Variants in SPEF2 observed in about 807,000 individuals in gnomAD.
The protein encoded by SPEF2 is sperm flagellar and cilia associated 2, also known as sperm flagella and cilia-associated protein 2.
Under a neutral mutation model 224.6 loss-of-function variants are expected in SPEF2, and 187 were observed. The observed-to-expected ratio is 0.83, with a 90% CI of 0.74 to 0.94. The LOEUF (loss-of-function observed/expected upper bound fraction) is 0.94, where lower values mean the gene tolerates loss of function less well. Among genes scored for constraint, SPEF2 ranks in the 40% least tolerant of loss-of-function variants. SPEF2 has a pLI of 0.00. For synonymous variants in SPEF2, 715 were observed against 707.3 expected, an observed-to-expected ratio of 1.01 and a Z score of -0.17; for missense variants, 2,170 against 2,135.6, an observed-to-expected ratio of 1.02 and a Z score of -0.32.
intron 30 of SPEF2, chr5:35,789,404 T>G: frequency 2.9e-6 from 2 of 701,306 alleles, no homozygotes; most frequent in Non-Finnish European, 5.2e-6. Flanking sequence ...CTGAGGTCTG[T>G]CAAACTAGAC....
chr5:35,691,061 C>T lies in SPEF2; in HGVS notation c.1549C>T (p.Pro517Ser), dbSNP rs374610171. ...YKNMVGEWALPEEMVDNLPPS... is the reference protein window; with the variant it reads ...YKNMVGEWALSEEMVDNLPPS... ...GAACATGGTTGGAGAGTGGGCCTTA[C>T]CAGAAGAAATGGTTGACAATTTACC... The change falls in exon 11 of 37, where the codon CCA becomes TCA. Residue 517 changes from proline (P) to serine (S), a missense_variant. Pro to Ser is a moderately conservative substitution (Grantham distance 74, BLOSUM62 -1). Coordinates refer to ENST00000356031, the MANE Select transcript of SPEF2 (RefSeq NM_024867.4). 2 of 1,613,848 alleles carry T rather than the reference C, an allele frequency of 1.2e-6. No homozygotes were observed. The highest frequency in any genetic ancestry group is 2.7e-5 in the African/African-American group (2 of 74,982).
At chr5:35,746,964 G>A (rs966896262) in intron 23 of SPEF2, among the ~76,000 whole-genome samples, 3 of 152,196 alleles carry the variant, frequency 2.0e-5, no homozygotes, top group Non-Finnish European at 4.4e-5. Flanking sequence ...CAAATTAACA[G>A]CTGATTTCTC....
rs139855000 is a variant in SPEF2, at chr5:35,641,517, A to G, written c.248A>G (p.His83Arg). Residue 83 changes from histidine (H) to arginine (R), a missense_variant, in exon 3 of 37, where the codon CAT (histidine) becomes CGT (arginine). Transcript: ENST00000356031. The stretch of plus-strand genomic sequence containing the variant: ...GTGCAGTTTGATCAGAATGTGGCCC[A>G]TGGCATCATCACAGAAAAGCCTGGG... ...LGVQFDQNVA[H>R]GIITEKPGVA... 2.0e-3 allele frequency: 3,245 copies of G among 1,613,866 alleles called. 113 individuals carry two copies. In the Admixed American group the frequency reaches 0.052, roughly 26 times the overall value.
Position 35,666,987 on chromosome 5 carries a change from A to G in SPEF2, c.1168-85A>G, listed in dbSNP as rs12519864. The G allele has an allele frequency of 0.085, 110,042 of 1,300,458 alleles. 7,873 individuals are homozygous for G. Among genetic ancestry groups the G allele is most frequent in the East Asian group, 0.41 (15,760 of 38,862 alleles). The allele number at this position is 1,300,458 out of a possible 1,614,324, so 80.6% of individuals were successfully genotyped here. A position where few individuals can be genotyped will look rare whatever the true frequency, so the allele number is the denominator to read the frequency against. Reference sequence around the variant, plus strand: ...TGTGAGAAGAGGTTTCATTCTACTGAAAGACTTTTTGGCCATTGAAATGAT... The same window carrying G: ...TGTGAGAAGAGGTTTCATTCTACTGGAAGACTTTTTGGCCATTGAAATGAT... On this transcript the variant is annotated intron_variant, in intron 8 of 36. Transcript: ENST00000356031.
Position 35,779,348 on chromosome 5 carries a change from T to TCTA in SPEF2, c.4447+2_4447+3insCTA. ...AGTTCTTAGATATGGCACCTAAAGGTAGGAAAAATAATTATCATGAAAAGA... is the reference window on the plus strand; with the variant it reads ...AGTTCTTAGATATGGCACCTAAAGGTCTAAGGAAAAATAATTATCATGAAAAGA... On this transcript the variant is annotated splice_region_variant and intron_variant, in intron 30 of 36. Coordinates refer to ENST00000356031, the MANE Select transcript of SPEF2 (RefSeq NM_024867.4). 3 of 1,585,594 alleles carry TCTA rather than the reference T, an allele frequency of 1.9e-6. No homozygotes were observed. Among genetic ancestry groups the TCTA allele is most frequent in the Non-Finnish European group, 2.6e-6 (3 of 1,167,660 alleles).
intron 25 of SPEF2, among the ~76,000 whole-genome samples, chr5:35,761,162 G>A (rs1262099395): frequency 6.6e-6 from 1 of 152,092 alleles, no homozygotes; most frequent in Non-Finnish European, 1.5e-5. Flanking sequence ...CAAACTAAAC[G>A]CAGGATAATG....
intron 17 of SPEF2, 77 bp from the exon 18 acceptor site, chr5:35,705,574 G>C (rs765012479): frequency 1.1e-5 from 11 of 1,041,484 alleles, no homozygotes; most frequent in Non-Finnish European, 1.5e-5. Context: ...CATTACGCAT[G>C]TCGGATAATT....
intron 21 of SPEF2, among the ~76,000 whole-genome samples, chr5:35,735,390 A>C (rs377341635): frequency 6.6e-6 from 1 of 152,226 alleles, no homozygotes; most frequent in Non-Finnish European, 1.5e-5. Flanking sequence ...GTGTGAATGT[A>C]GTCTGTCCTT....
chr5:35,637,498 C>A (rs1046718617), intron 2 of SPEF2, among the ~76,000 whole-genome samples: 8 of 152,190 alleles, frequency 5.3e-5, no homozygotes, highest in African/African-American at 1.9e-4. Context: ...AAAAGAACCT[C>A]TGATATTTCC....
At chr5:35,636,068 A>G (rs887823342) in intron 2 of SPEF2, among the ~76,000 whole-genome samples, 7 of 152,102 alleles carry the variant, frequency 4.6e-5, no homozygotes, top group Non-Finnish European at 1.0e-4. Context: ...TCAGATTATT[A>G]CATATTCCCA....
intron 1 of SPEF2, among the ~76,000 whole-genome samples, chr5:35,618,559 G>T (rs1056221779): frequency 6.6e-6 from 1 of 152,152 alleles, no homozygotes; most frequent in Non-Finnish European, 1.5e-5. Context: ...TCTATAAAAT[G>T]GACCTAATAA....
chr5:35,646,586 T>C lies in SPEF2; in HGVS notation c.586-81T>C, dbSNP rs868799722. ...TCTGAAATTTTCAATAGATAAATTT[T>C]ATATATTTGTACCTATGAGTGTATT... is the stretch of plus-strand genomic sequence containing the variant. On this transcript the variant is annotated intron_variant, in intron 4 of 36. Coordinates refer to ENST00000356031, the MANE Select transcript of SPEF2 (RefSeq NM_024867.4). The C allele has an allele frequency of 2.2e-6, 3 of 1,357,040 alleles. No homozygotes were observed. In the Middle Eastern group the frequency reaches 7.8e-4, roughly 355 times the overall value. The allele number at this position is 1,357,040 out of a possible 1,614,324, so 84.1% of individuals were successfully genotyped here. A position where few individuals can be genotyped will look rare whatever the true frequency, so the allele number is the denominator to read the frequency against.
At chr5:35,770,290 C>T (rs570240070) in intron 26 of SPEF2, among the ~76,000 whole-genome samples, 3 of 152,154 alleles carry the variant, frequency 2.0e-5, no homozygotes, top group Admixed American at 2.0e-4. Flanking sequence ...TGTCTGTATA[C>T]ATTGTGGGAT....
intron 8 of SPEF2, among the ~76,000 whole-genome samples, chr5:35,662,497 T>TTGCCCG (rs1422580088): frequency 3.3e-5 from 5 of 152,252 alleles, no homozygotes; most frequent in Non-Finnish European, 4.4e-5. Context: ...CATGAAATCT[T>TTGCCCG]TGCCCGTGCT....
At chr5:35,728,627 T>C (rs930118903) in intron 21 of SPEF2, among the ~76,000 whole-genome samples, 2 of 152,156 alleles carry the variant, frequency 1.3e-5, no homozygotes, top group South Asian at 2.1e-4. Flanking sequence ...GGGATATGTC[T>C]TCTCTCCCAA....
intron 23 of SPEF2, among the ~76,000 whole-genome samples, chr5:35,747,209 C>T (rs1159233726): frequency 1.3e-5 from 2 of 152,082 alleles, no homozygotes; most frequent in African/African-American, 4.8e-5. Flanking sequence ...CAAAACAGAA[C>T]CTCTTTAATG....
Position 35,739,967 on chromosome 5 carries a change from T to C in SPEF2, c.3112T>C (p.Tyr1038His). Residue 1038 changes from tyrosine to histidine, a missense_variant, in exon 22 of 37, where the codon TAT (tyrosine) becomes CAT (histidine). Physicochemically the swap from Tyr to His is moderately conservative, Grantham distance 83. Coordinates refer to ENST00000356031, the MANE Select transcript of SPEF2 (RefSeq NM_024867.4). Reference protein sequence around the residue: ...VPYWELIENSYINTIKTVLRH... With the variant: ...VPYWELIENSHINTIKTVLRH... Reference sequence around the variant, plus strand: ...TTACTGGGAACTAATAGAAAATTCCTATATAAACACCATCAAAACAGTACT... The same window carrying C: ...TTACTGGGAACTAATAGAAAATTCCCATATAAACACCATCAAAACAGTACT... 2 of 1,614,160 alleles carry C rather than the reference T, an allele frequency of 1.2e-6. No homozygotes were observed. Among genetic ancestry groups the C allele is most frequent in the South Asian group, 1.1e-5 (1 of 91,076 alleles).
Position 35,630,967 on chromosome 5 carries a change from C to A in SPEF2, c.161+2405C>A, listed in dbSNP as rs28870751. Reference sequence around the variant, plus strand: ...CTGAATGGACATTTCACCAAAGAAGCTAACACATAACTAATAAGGAGATGA... The same window carrying A: ...CTGAATGGACATTTCACCAAAGAAGATAACACATAACTAATAAGGAGATGA... On this transcript the variant is annotated intron_variant, in intron 2 of 36. Transcript: ENST00000356031. Among the ~76,000 whole-genome samples, 107 of 152,256 alleles carry A rather than the reference C, an allele frequency of 7.0e-4. 1 individual carries two copies. The highest frequency in any genetic ancestry group is 2.4e-3 in the African/African-American group (99 of 41,548).
At position 35,751,072 on chromosome 5, in the gene SPEF2, T is replaced by C. The variant is rs1749506936; in HGVS notation, c.3331-2552T>C. 3.4e-4 allele frequency among the ~76,000 whole-genome samples: 18 copies of C among 53,224 alleles called. 4 individuals carry two copies. The highest frequency in any genetic ancestry group is 1.1e-3 in the African/African-American group (18 of 15,962). The allele number at this position is 53,224 out of a possible 152,430, so 34.9% of individuals were successfully genotyped here. On this transcript the variant is annotated intron_variant, in intron 23 of 36. Coordinates refer to ENST00000356031, the MANE Select transcript of SPEF2 (RefSeq NM_024867.4). ...ATATATATACGTATATATATGTATA[T>C]ATATATACACACACACACACACACA...
Sources: allele counts gnomAD v4.1 joint callset (sites outside exome capture counted in the v4.1 genomes callset), GRCh38; gene constraint gnomAD v4.1.1; transcripts MANE v1.5; gene names NCBI Gene and HGNC (gene_info 2026-07-23, HGNC 2026-07-21).